CLVS1: variants seen among roughly 807,000 people sequenced by gnomAD.
CLVS1 encodes the protein clavesin-1.
Under a neutral mutation model 33.1 loss-of-function variants are expected in CLVS1, and 10 were observed. That is an observed-to-expected ratio of 0.30 (90% confidence interval 0.19 to 0.51). The LOEUF (loss-of-function observed/expected upper bound fraction) is 0.51, where lower values mean the gene tolerates loss of function less well. CLVS1 is among the 20% of genes least tolerant of loss of function. The pLI, the probability that CLVS1 is intolerant of heterozygous loss-of-function variation, is 0.97. For missense variants in CLVS1, 343 were observed against 433.4 expected (o/e 0.79, Z 1.85); for synonymous variants, 163 against 166.1 (o/e 0.98, Z 0.14).
intron 2 of CLVS1, among the ~76,000 whole-genome samples, chr8:61,373,925 T>C (rs1368433180): frequency 6.6e-6 from 1 of 152,180 alleles, no homozygotes; most frequent in Non-Finnish European, 1.5e-5. Flanking sequence ...CTGGTCTGTG[T>C]GTCTTTCACC....
intron 1 of CLVS1, among the ~76,000 whole-genome samples, chr8:61,064,312 A>G (rs1804635462): frequency 6.6e-6 from 1 of 152,228 alleles, no homozygotes; most frequent in Non-Finnish European, 1.5e-5. Flanking sequence ...TTTTTCACAG[A>G]CGCTGCACCA....
chr8:61,131,196 T>C (rs1341021030), intron 1 of CLVS1, among the ~76,000 whole-genome samples: 1 of 152,090 alleles, frequency 6.6e-6, no homozygotes, highest in Non-Finnish European at 1.5e-5. Flanking sequence ...ACTGAAACCA[T>C]GGATTCACAA....
chr8:61,299,859 A>G lies in CLVS1; in HGVS notation c.32A>G (p.Gln11Arg). The G allele has an allele frequency of 1.9e-6, 3 of 1,612,450 alleles. No individual in the cohort carries two copies. The highest frequency in any genetic ancestry group is 2.5e-6 in the Non-Finnish European group (3 of 1,179,030). The change falls in exon 2 of 6, where the codon CAG becomes CGG. Residue 11 changes from glutamine (Q) to arginine (R), a missense_variant. By Grantham distance (43) the Gln-to-Arg change is conservative. Coordinates refer to ENST00000325897, the MANE Select transcript of CLVS1 (RefSeq NM_173519.3). ...CCAGTCTCTCTTCTTCCAAAATATC[A>G]GAAGTTAAACACTTGGAACGGAGAT... MGPVSLLPKY[Q>R]KLNTWNGDLA...
At chr8:61,295,297 T>G (rs945995119) in intron 1 of CLVS1, among the ~76,000 whole-genome samples, 13 of 152,204 alleles carry the variant, frequency 8.5e-5, no homozygotes, top group African/African-American at 3.1e-4. Flanking sequence ...TGCTTGGCAT[T>G]CTGCTAGGCA....
chr8:61,133,408 G>A (rs1375336647), intron 2 of CLVS1, among the ~76,000 whole-genome samples: 1 of 152,196 alleles, frequency 6.6e-6, no homozygotes, highest in African/African-American at 2.4e-5. Context: ...CCAGGAAGAA[G>A]CCGTGGCATA....
chr8:61,290,848 C>G (rs908627708), intron 1 of CLVS1, among the ~76,000 whole-genome samples: 1 of 152,214 alleles, frequency 6.6e-6, no homozygotes, highest in Admixed American at 6.5e-5. Context: ...TTTCAACCTT[C>G]TCCCAAATAT....
At chr8:61,153,297 T>A (rs1806579109) in intron 2 of CLVS1, among the ~76,000 whole-genome samples, 1 of 152,208 alleles carries the variant, frequency 6.6e-6, no homozygotes, top group Non-Finnish European at 1.5e-5. Context: ...CCAGTTCAAA[T>A]GCTCAAATAT....
At chr8:61,258,250 T>C (rs930208689) in intron 2 of CLVS1, among the ~76,000 whole-genome samples, 3 of 152,232 alleles carry the variant, frequency 2.0e-5, no homozygotes, top group Non-Finnish European at 4.4e-5. Flanking sequence ...AGCTACTGCA[T>C]GTGTAAAAAT....
the CLVS1 span, among the ~76,000 whole-genome samples, chr8:61,015,629 G>A: frequency 3.9e-5 from 6 of 152,332 alleles, no homozygotes; most frequent in South Asian, 2.1e-4. Flanking sequence ...CTGAACACAC[G>A]TGGGAGAAAA....
intron 3 of CLVS1, among the ~76,000 whole-genome samples, chr8:61,414,514 T>C (rs1467824414): frequency 1.3e-5 from 2 of 151,986 alleles, no homozygotes; most frequent in Non-Finnish European, 2.9e-5. Flanking sequence ...TAAACAAAGA[T>C]GTATTGTGAC....
intron 2 of CLVS1, among the ~76,000 whole-genome samples, chr8:61,221,648 T>C (rs1808219937): frequency 1.3e-5 from 2 of 152,316 alleles, no homozygotes; most frequent in African/African-American, 4.8e-5. Context: ...AAGTGTCCTC[T>C]TTTTGTTGTG....
At chr8:61,321,859 G>T (rs1486647) in intron 2 of CLVS1, among the ~76,000 whole-genome samples, 2 of 151,940 alleles carry the variant, frequency 1.3e-5, no homozygotes, top group Non-Finnish European at 2.9e-5. Flanking sequence ...CTCTGCTGTC[G>T]TATTCTCAGT....
intron 2 of CLVS1, among the ~76,000 whole-genome samples, chr8:61,183,151 G>GC (rs34994728): frequency 0.36 from 52,818 of 147,200 alleles, 12,309 homozygotes; most frequent in Middle Eastern, 0.56. Context: ...TGTGGGCAGG[G>GC]CGGAGGGGGG....
intron 2 of CLVS1, among the ~76,000 whole-genome samples, chr8:61,232,023 G>GTTTGTTTTTTTTTTTTTTTTTTTTT: frequency 1.6e-5 from 1 of 62,628 alleles, no homozygotes; most frequent in Non-Finnish European, 3.9e-5. Context: ...GAAAGTTGTG[G>GTTTGTTTTTTTTTTTTTTTTTTTTT]TTTTTTTTTT....
At chr8:61,012,971 A>G in the CLVS1 span, among the ~76,000 whole-genome samples, 1 of 152,136 alleles carries the variant, frequency 6.6e-6, no homozygotes, top group Non-Finnish European at 1.5e-5. Context: ...TTCCTGCCGG[A>G]GGGAAACTTG....
chr8:61,386,019 G>C (rs1335721015), intron 3 of CLVS1, among the ~76,000 whole-genome samples: 5 of 152,198 alleles, frequency 3.3e-5, no homozygotes, highest in Non-Finnish European at 7.3e-5. Context: ...CCGGAAATTG[G>C]AAAGTTGGTT....
At chr8:61,033,482 AG>A in the CLVS1 span, among the ~76,000 whole-genome samples, 1 of 151,642 alleles carries the variant, frequency 6.6e-6, no homozygotes. Flanking sequence ...AACAGGGCAA[AG>A]GTCCAGAGAA....
chr8:61,257,438 C>A (rs1278122003), intron 2 of CLVS1, among the ~76,000 whole-genome samples: 1 of 152,166 alleles, frequency 6.6e-6, no homozygotes, highest in South Asian at 2.1e-4. Context: ...ATGATTCAAG[C>A]ATACTTGAAA....
At position 61,124,144 on chromosome 8, in the gene CLVS1, G is replaced by C. The variant is rs772600971; in HGVS notation, c.-242-7626G>C. On this transcript the variant is annotated intron_variant, in intron 1 of 2. Coordinates refer to the CLVS1 transcript ENST00000522621. ...TTACCCATGGTTTTGGAAATGAGCA[G>C]ATCACTGTTCCTGTGTGATTATACT... Among the ~76,000 whole-genome samples the C allele has an allele frequency of 9.8e-5, 15 of 152,330 alleles. 1 individual carries two copies. The Middle Eastern group carries it at 0.017, about 173-fold the overall frequency.
Sources: gnomAD v4.1 joint callset for allele counts (sites outside exome capture counted in the v4.1 genomes callset) on GRCh38, gnomAD v4.1.1 for gene constraint, MANE v1.5 for transcripts, NCBI Gene and HGNC (gene_info 2026-07-23, HGNC 2026-07-21) for gene names.